The following SLC25A24 variants were observed in gnomAD, a reference collection of about 807,000 sequenced individuals.
SLC25A24 encodes the protein mitochondrial adenyl nucleotide antiporter SLC25A24.
Under a neutral mutation model 60.7 loss-of-function variants are expected in SLC25A24, and 49 were observed. The ratio of observed to expected loss-of-function variants is 0.81; its 90% CI spans 0.64 to 1.02. The LOEUF (loss-of-function observed/expected upper bound fraction) is 1.02. SLC25A24 is among the 50% of genes least tolerant of loss of function. The pLI, the probability that SLC25A24 is intolerant of heterozygous loss-of-function variation, is 0.00. For missense variants in SLC25A24, 564 were observed against 586.3 expected (o/e 0.96, Z 0.39); for synonymous variants, 202 against 200.6 (o/e 1.01, Z -0.06).
At position 108,134,151 on chromosome 1, in the gene SLC25A24, G is replaced by A. The variant is rs1199467677; in HGVS notation, c.*2502C>T. On this transcript the variant is annotated 3_prime_UTR_variant, in exon 10 of 10. Transcript: ENST00000565488. The stretch of plus-strand genomic sequence containing the variant: ...ATTCCCTGAGAACAGAGGAGCAGAT[G>A]CTGGCAATTGCACACAGAGCTGCCT... 6.6e-6 allele frequency: 1 copy of A among 152,234 alleles called. No individual in the cohort carries two copies. The highest frequency in any genetic ancestry group is 2.4e-5 in the African/African-American group (1 of 41,460). 9.4% of individuals were successfully genotyped at this position (152,234 alleles called of 1,614,324 possible). A position where few individuals can be genotyped will look rare whatever the true frequency, so the allele number is the denominator to read the frequency against.
chr1:108,182,462 ACAT>A (rs1457372247), intron 2 of SLC25A24, among the ~76,000 whole-genome samples: 1 of 152,230 alleles, frequency 6.6e-6, no homozygotes, highest in African/African-American at 2.4e-5. Flanking sequence ...ACTATGCAAA[ACAT>A]CATATATGAC....
rs1648615101 is a variant in SLC25A24, at chr1:108,200,083, T to C, written c.56A>G (p.Glu19Gly). Residue 19 changes from glutamate (E) to glycine (G), a missense_variant, in exon 1 of 10, where the codon GAG (glutamate) becomes GGG (glycine). By Grantham distance (98) the Glu-to-Gly change is moderately conservative (BLOSUM62 -2). Transcript: ENST00000565488. ...GAGGGTCTCGTAGCGCGTCGGCTGC[T>C]CCGCGTCCTGGCAGGCCGCGGTGGG... is the stretch of plus-strand genomic sequence containing the variant. ...VLPTAACQDA[E>G]QPTRYETLFQ... 4 of 1,584,172 alleles carry C rather than the reference T, an allele frequency of 2.5e-6. No homozygotes were observed. The Admixed American group carries it at 5.4e-5, about 22-fold the overall frequency.
At position 108,195,411 on chromosome 1, in the gene SLC25A24, G is replaced by A. The variant is rs1012527844; in HGVS notation, c.183+4545C>T. On this transcript the variant is annotated intron_variant, in intron 1 of 9. Coordinates refer to ENST00000565488, the MANE Select transcript of SLC25A24 (RefSeq NM_013386.5). ...GACAAAAGGCTTAGAATGCTACAAA[G>A]ATAGAAAGGGTATTTTATACCTTAC... is the stretch of plus-strand genomic sequence containing the variant. 4.6e-5 allele frequency among the ~76,000 whole-genome samples: 7 copies of A among 152,292 alleles called. No individual in the cohort carries two copies. In the South Asian group the frequency reaches 1.0e-3, roughly 23 times the overall value.
intron 3 of SLC25A24, among the ~76,000 whole-genome samples, chr1:108,171,445 G>A (rs141334319): frequency 6.6e-6 from 1 of 152,102 alleles, no homozygotes; most frequent in East Asian, 1.9e-4. Flanking sequence ...TAATCCATAG[G>A]CCACTAGCTA....
At chr1:108,156,226 G>A (rs553086124) in intron 5 of SLC25A24, among the ~76,000 whole-genome samples, 7 of 152,208 alleles carry the variant, frequency 4.6e-5, no homozygotes, top group Admixed American at 2.6e-4. Flanking sequence ...TCTTTTCCCC[G>A]TAATAAACCA....
At chr1:108,139,494 T>G (rs1174791810) in intron 8 of SLC25A24, among the ~76,000 whole-genome samples, 1 of 152,194 alleles carries the variant, frequency 6.6e-6, no homozygotes, top group Non-Finnish European at 1.5e-5. Context: ...ATGGTGAGTA[T>G]TAATAAAATA....
chr1:108,165,369 G>T (rs1007131879), intron 3 of SLC25A24, among the ~76,000 whole-genome samples: 114 of 152,198 alleles, frequency 7.5e-4, no homozygotes, highest in African/African-American at 2.7e-3. Context: ...TGTCTCATTG[G>T]TCTGTCTAAT....
chr1:108,162,728 C>G (rs1680124140), intron 3 of SLC25A24, among the ~76,000 whole-genome samples: 2 of 151,790 alleles, frequency 1.3e-5, no homozygotes, highest in Non-Finnish European at 1.5e-5. Flanking sequence ...CAAAAATTTT[C>G]TCCCATTTTG....
rs775151700 is a variant in SLC25A24, at chr1:108,139,073, G to A, written c.1234C>T (p.Arg412Cys). 1.9e-5 allele frequency: 31 copies of A among 1,597,896 alleles called. No individual in the cohort carries two copies. Among genetic ancestry groups the A allele is most frequent in the African/African-American group, 2.7e-5 (2 of 74,146 alleles). ...AAAAATTCACCTTGAGCCTGCATGC[G>A]AGTTCTCACCAAAGCCAATGGGTAG... ...ASYPLALVRT[R>C]MQAQAMLEGS... is the part of the protein sequence containing the mutation. The change falls in exon 9 of 10, where the codon CGC becomes TGC. Residue 412 changes from arginine (R) to cysteine (C), a missense_variant. By Grantham distance (180) the Arg-to-Cys change is radical. Coordinates refer to ENST00000565488, the MANE Select transcript of SLC25A24 (RefSeq NM_013386.5).
In SLC25A24 at chr1:108,161,269, T is replaced by C. The variant is rs1304466700; in HGVS notation, c.423A>G (p.Thr141=). 6.3e-7 allele frequency: 1 copy of C among 1,593,486 alleles called. No individual in the cohort carries two copies. The highest frequency in any genetic ancestry group is 1.7e-5 in the Admixed American group (1 of 59,406). The change falls in exon 4 of 10, where the codon ACA becomes ACG. Residue 141 remains threonine (T), a synonymous_variant. Coordinates refer to ENST00000565488, the MANE Select transcript of SLC25A24 (RefSeq NM_013386.5). ...AGTCTCTCCATTCATTCCAGTCCACTGTCATTGTCCCATCAACATCAATGC... is the reference window on the plus strand; with the variant it reads ...AGTCTCTCCATTCATTCCAGTCCACCGTCATTGTCCCATCAACATCAATGC... The part of the protein sequence containing the change: ...LQSIDVDGTM[T]VDWNEWRDYF...
intron 2 of SLC25A24, among the ~76,000 whole-genome samples, chr1:108,184,305 A>G (rs1648043775): frequency 6.6e-6 from 1 of 152,188 alleles, no homozygotes; most frequent in Non-Finnish European, 1.5e-5. Context: ...CACACAGACA[A>G]TCTGACCTGC....
In SLC25A24 at chr1:108,135,384, A is replaced by G. The variant is rs1372750023; in HGVS notation, c.*1269T>C. The G allele has an allele frequency of 6.6e-6, 1 of 152,626 alleles. No individual in the cohort carries two copies. Among genetic ancestry groups the G allele is most frequent in the African/African-American group, 2.4e-5 (1 of 41,474 alleles). The allele number at this position is 152,626 out of a possible 1,614,324, so 9.5% of individuals were successfully genotyped here. A position where few individuals can be genotyped will look rare whatever the true frequency, so the allele number is the denominator to read the frequency against. On this transcript the variant is annotated 3_prime_UTR_variant, in exon 10 of 10. Coordinates refer to ENST00000565488, the MANE Select transcript of SLC25A24 (RefSeq NM_013386.5). ...AACAGAAATTATTAGAAGTGAAATGAGTTTAAGAACTAAATTAAAAACTGA... is the reference window on the plus strand; with the variant it reads ...AACAGAAATTATTAGAAGTGAAATGGGTTTAAGAACTAAATTAAAAACTGA...
At chr1:108,180,616 A>ATCTCTCTCC (rs1553256121) in intron 3 of SLC25A24, among the ~76,000 whole-genome samples, 9 of 61,812 alleles carry the variant, frequency 1.5e-4, no homozygotes, top group African/African-American at 6.2e-4. Flanking sequence ...CAAGAGAAAG[A>ATCTCTCTCC]TCTCTCTCTC....
chr1:108,168,826 G>A (rs376749513), intron 3 of SLC25A24, among the ~76,000 whole-genome samples: 7 of 151,970 alleles, frequency 4.6e-5, no homozygotes, highest in African/African-American at 1.2e-4. Context: ...TGATTTTAAC[G>A]CAGCTGAATT....
At chr1:108,154,694 T>G (rs1232645769) in intron 6 of SLC25A24, among the ~76,000 whole-genome samples, 1 of 152,206 alleles carries the variant, frequency 6.6e-6, no homozygotes, top group African/African-American at 2.4e-5. Context: ...GTGCTGCTTC[T>G]GCTCAGGATT....
In SLC25A24 at chr1:108,136,402, T is replaced by C; in HGVS notation, c.*251A>G. On this transcript the variant is annotated 3_prime_UTR_variant, in exon 10 of 10. Coordinates refer to ENST00000565488, the MANE Select transcript of SLC25A24 (RefSeq NM_013386.5). ...CAGATTTCGGATTCAGGGCAGAGAT[T>C]TGCAGGATTATTAAGAAAAGATAAA... 2 of 330,394 alleles carry C rather than the reference T, an allele frequency of 6.1e-6. No individual in the cohort carries two copies. Among genetic ancestry groups the C allele is most frequent in the Non-Finnish European group, 1.1e-5 (2 of 183,290 alleles). The allele number at this position is 330,394 out of a possible 1,614,324, so 20.5% of individuals were successfully genotyped here. A position where few individuals can be genotyped will look rare whatever the true frequency, so the allele number is the denominator to read the frequency against.
chr1:108,182,444 A>T (rs1647962222), intron 2 of SLC25A24, among the ~76,000 whole-genome samples: 1 of 152,224 alleles, frequency 6.6e-6, no homozygotes. Flanking sequence ...ATAAATTACT[A>T]GACATTTACT....
intron 2 of SLC25A24, among the ~76,000 whole-genome samples, chr1:108,184,463 A>G (rs1648049894): frequency 6.6e-6 from 1 of 152,248 alleles, no homozygotes; most frequent in Non-Finnish European, 1.5e-5. Context: ...CAATAGTACT[A>G]CTTTCCAACC....
chr1:108,185,942 T>C lies in SLC25A24; in HGVS notation c.196A>G (p.Thr66Ala), dbSNP rs201150038. 1.3e-6 allele frequency: 2 copies of C among 1,582,456 alleles called. No homozygotes were observed. The highest frequency in any genetic ancestry group is 1.7e-6 in the Non-Finnish European group (2 of 1,164,344). ...GQDAEEKIFT[T>A]GDVNKDGKLD... is the part of the protein sequence containing the mutation. Reference sequence around the variant, plus strand: ...TTCCCATCTTTGTTGACATCTCCAGTAGTAAAAATTTTCTATAAAAAAAAA... The same window carrying C: ...TTCCCATCTTTGTTGACATCTCCAGCAGTAAAAATTTTCTATAAAAAAAAA... The change falls in exon 2 of 10, where the codon ACT (threonine) becomes GCT (alanine). Residue 66 changes from threonine to alanine, a missense_variant. Physicochemically the swap from Thr to Ala is moderately conservative, Grantham distance 58. Transcript: ENST00000565488.
Sources: gnomAD v4.1 joint callset for allele counts (sites outside exome capture counted in the v4.1 genomes callset) on GRCh38, gnomAD v4.1.1 for gene constraint, MANE v1.5 for transcripts, NCBI Gene and HGNC (gene_info 2026-07-23, HGNC 2026-07-21) for gene names.